The following NBEA variants were observed in gnomAD, a reference collection of about 807,000 sequenced individuals.
The protein encoded by NBEA is neurobeachin.
NBEA carries 44 observed loss-of-function variants against 343.4 expected under a neutral mutation model. That is an observed-to-expected ratio of 0.13 (90% confidence interval 0.10 to 0.16). The LOEUF (loss-of-function observed/expected upper bound fraction) is 0.16. NBEA is among the 10% of genes least tolerant of loss of function. The probability of loss-of-function intolerance (pLI) is 1.00; values close to 1 mark genes in which losing one functional copy is unlikely to be tolerated. For missense variants in NBEA, 2,555 were observed against 3,631.3 expected, an observed-to-expected ratio of 0.70 and a Z score of 7.62; for synonymous variants, 1,175 against 1,238.7, an observed-to-expected ratio of 0.95 and a Z score of 1.08.
At position 35,236,446 on chromosome 13, in the gene NBEA, GTTTTGTTTTGTTTTGT is replaced by G. The variant is rs1367212637; in HGVS notation, c.5776+3830_5776+3845del. On this transcript the variant is annotated intron_variant, in intron 34 of 58. Transcript: ENST00000379939. ...GTTTTGTTTTGTTTTGTTTTGTTTTGTTTTGTTTTGTTTTGTTTGAGACGGAGTCTTGCTCTGTCGC... is the reference window on the plus strand; with the variant it reads ...GTTTTGTTTTGTTTTGTTTTGTTTTGTTGAGACGGAGTCTTGCTCTGTCGC... Among the ~76,000 whole-genome samples, 4 of 72,864 alleles carry G rather than the reference GTTTTGTTTTGTTTTGT, an allele frequency of 5.5e-5. No individual in the cohort carries two copies. In the East Asian group the frequency reaches 8.7e-4, roughly 16 times the overall value. 47.8% of individuals were successfully genotyped at this position (72,864 alleles called of 152,430 possible). A position where few individuals can be genotyped will look rare whatever the true frequency, so the allele number is the denominator to read the frequency against.
intron 34 of NBEA, among the ~76,000 whole-genome samples, chr13:35,267,839 A>AAAG (rs528560685): frequency 6.8e-6 from 1 of 147,606 alleles, no homozygotes; most frequent in South Asian, 2.1e-4. Flanking sequence ...AAAAAAAAAA[A>AAAG]AAGAAGAAGA....
intron 1 of NBEA, among the ~76,000 whole-genome samples, chr13:34,999,496 C>A (rs2061051676): frequency 6.6e-6 from 1 of 152,060 alleles, no homozygotes; most frequent in South Asian, 2.1e-4. Context: ...GCTTCTAGAC[C>A]ACTTTTTTAA....
chr13:35,445,798 A>ATATATATATATATATATATATATG (rs2045988562), intron 39 of NBEA, among the ~76,000 whole-genome samples: 1 of 83,960 alleles, frequency 1.2e-5, no homozygotes, highest in Non-Finnish European at 2.4e-5. Flanking sequence ...ATATATATAT[A>ATATATATATATATATATATATATG]TATATATATA....
In NBEA at chr13:35,166,220, A is replaced by T. The variant is rs534494227; in HGVS notation, c.4233+1711A>T. On this transcript the variant is annotated intron_variant, in intron 24 of 58. Coordinates refer to ENST00000379939, the MANE Select transcript of NBEA (RefSeq NM_001385012.1). ...AACAGTTTAGCAATAAGTTATTTCA[A>T]TTTGTATAGGTTTAAAATATTCACA... 3.3e-5 allele frequency among the ~76,000 whole-genome samples: 5 copies of T among 152,314 alleles called. 1 individual carries two copies. Among genetic ancestry groups the T allele is most frequent in the African/African-American group, 1.2e-4 (5 of 41,586 alleles).
At chr13:35,395,313 C>A (rs1163590972) in intron 38 of NBEA, among the ~76,000 whole-genome samples, 1 of 151,678 alleles carries the variant, frequency 6.6e-6, no homozygotes, top group African/African-American at 2.4e-5. Context: ...TGGTGCTATT[C>A]CTCTGATAGA....
intron 34 of NBEA, among the ~76,000 whole-genome samples, chr13:35,244,269 A>G (rs940406397): frequency 7.9e-5 from 12 of 151,932 alleles, no homozygotes; most frequent in African/African-American, 2.9e-4. Flanking sequence ...CACTCACCTT[A>G]TAAAAAAATC....
intron 39 of NBEA, among the ~76,000 whole-genome samples, chr13:35,451,516 A>T (rs1041178599): frequency 6.6e-6 from 1 of 152,230 alleles, no homozygotes; most frequent in Non-Finnish European, 1.5e-5. Context: ...GCTATTGTGA[A>T]GAAGCTTTTA....
chr13:34,943,164 C>T, intron 1 of NBEA, 50 bp downstream of exon 1: 3 of 1,598,058 alleles, frequency 1.9e-6, no homozygotes, highest in Non-Finnish European at 2.6e-6. Context: ...CCACATACAC[C>T]GTCCCCAGCG....
At chr13:35,059,791 TG>T (rs1213912502) in intron 8 of NBEA, among the ~76,000 whole-genome samples, 1 of 151,182 alleles carries the variant, frequency 6.6e-6, no homozygotes, top group Non-Finnish European at 1.5e-5. Flanking sequence ...GAGGAAAGTT[TG>T]AATTTACCCA....
At chr13:35,182,581 T>A in intron 29 of NBEA, 53 bp downstream of exon 29, 1 of 1,503,422 alleles carries the variant, frequency 6.7e-7, no homozygotes, top group East Asian at 2.4e-5. Flanking sequence ...ATCTCCTTTT[T>A]TTCACCTTTA....
chr13:35,579,540 A>G (rs541173461), intron 45 of NBEA, among the ~76,000 whole-genome samples: 56 of 152,274 alleles, frequency 3.7e-4, no homozygotes, highest in African/African-American at 1.3e-3. Context: ...AACTAAAGAA[A>G]AAGTTAGCAT....
chr13:35,003,325 A>T (rs1401776029), intron 1 of NBEA, among the ~76,000 whole-genome samples: 1 of 152,168 alleles, frequency 6.6e-6, no homozygotes, highest in Non-Finnish European at 1.5e-5. Flanking sequence ...AGCCATGATC[A>T]TGCCACTGCA....
At chr13:35,246,377 G>A (rs372609892) in intron 34 of NBEA, among the ~76,000 whole-genome samples, 5 of 152,030 alleles carry the variant, frequency 3.3e-5, no homozygotes, top group East Asian at 1.9e-4. Context: ...GTCATATTAC[G>A]CAAATTATTT....
rs79130024 is a variant in NBEA at position 35,521,750 on chromosome 13, C to T, written c.6586-28727C>T. On this transcript the variant is annotated intron_variant, in intron 41 of 58. Transcript: ENST00000379939. ...GAATTTGGTTGGTTTGCCTCGGCAA[C>T]AAATGTTCACCCTGGTCTAAATCAG... Among the ~76,000 whole-genome samples the T allele has an allele frequency of 2.8e-4, 42 of 152,298 alleles. No individual in the cohort carries two copies. The East Asian group carries it at 7.7e-3, about 28-fold the overall frequency.
Position 35,451,760 on chromosome 13 carries a change from A to G in NBEA, c.6305-332A>G, listed in dbSNP as rs771461372. Among the ~76,000 whole-genome samples the G allele has an allele frequency of 5.2e-4, 79 of 152,360 alleles. 1 individual carries two copies. The highest frequency in any genetic ancestry group is 2.0e-3 in the Admixed American group (30 of 15,308). On this transcript the variant is annotated intron_variant, in intron 39 of 58. Coordinates refer to ENST00000379939, the MANE Select transcript of NBEA (RefSeq NM_001385012.1). ...CAGACTTTTTGTGCAACATGCACTG[A>G]TCTTAGAGCCCTAAGACATGGATCT...
At chr13:35,233,511 A>T (rs1405815500) in intron 34 of NBEA, among the ~76,000 whole-genome samples, 1 of 152,100 alleles carries the variant, frequency 6.6e-6, no homozygotes, top group Non-Finnish European at 1.5e-5. Flanking sequence ...TTACTTAGCC[A>T]CTTTGTATCT....
intron 31 of NBEA, among the ~76,000 whole-genome samples, chr13:35,207,933 T>A (rs575649085): frequency 6.6e-6 from 1 of 152,248 alleles, no homozygotes; most frequent in South Asian, 2.1e-4. Flanking sequence ...GAATTTGGCA[T>A]TTAAAGTCTG....
chr13:35,476,254 T>C (rs1389100222), intron 41 of NBEA: 2 of 1,532,088 alleles, frequency 1.3e-6, no homozygotes, highest in Non-Finnish European at 1.8e-6. Flanking sequence ...CACTCAGAAA[T>C]GGATCAAAAA....
chr13:35,207,477 G>A (rs888890550), intron 31 of NBEA, among the ~76,000 whole-genome samples: 3 of 152,048 alleles, frequency 2.0e-5, no homozygotes, highest in Non-Finnish European at 2.9e-5. Flanking sequence ...AGTAAGGTTT[G>A]GAAGATATTT....
Sources: gnomAD v4.1 joint callset for allele counts (sites outside exome capture counted in the v4.1 genomes callset) on GRCh38, gnomAD v4.1.1 for gene constraint, MANE v1.5 for transcripts, NCBI Gene and HGNC (gene_info 2026-07-23, HGNC 2026-07-21) for gene names.